Variants in WAC observed in about 807,000 individuals in gnomAD.
WAC encodes the protein WW domain containing adaptor with coiled-coil.
In WAC, 11 loss-of-function variants were observed where a neutral mutation model predicts 79.6. The observed-to-expected ratio is 0.14, with a 90% CI of 0.09 to 0.23. WAC has a LOEUF of 0.23. Among genes scored for constraint, WAC ranks in the 10% least tolerant of loss-of-function variants. WAC has a pLI of 1.00. For missense variants in WAC, 728 were observed against 773.5 expected (o/e 0.94, Z 0.70); for synonymous variants, 304 against 276.9 (o/e 1.10, Z -0.97).
intron 3 of WAC, among the ~76,000 whole-genome samples, chr10:28,539,882 A>G (rs1183716372): frequency 2.0e-5 from 3 of 152,048 alleles, no homozygotes; most frequent in African/African-American, 7.2e-5. Context: ...TTATTTTGTC[A>G]TTTAGCTATA....
chr10:28,551,545 G>C (rs1328688649), intron 3 of WAC, among the ~76,000 whole-genome samples: 1 of 152,032 alleles, frequency 6.6e-6, no homozygotes, highest in African/African-American at 2.4e-5. Context: ...GATCAGTCTT[G>C]GTTTCTCTTC....
chr10:28,558,342 A>G (rs1838111921), intron 3 of WAC, among the ~76,000 whole-genome samples: 3 of 152,282 alleles, frequency 2.0e-5, no homozygotes, highest in African/African-American at 4.8e-5. Flanking sequence ...TTTGAGGGGA[A>G]AGCTAATATA....
Position 28,617,694 on chromosome 10 carries a change from C to G in WAC, c.1784C>G (p.Thr595Ser). ...CGCGAAGAAGCGCATAACATGGGAA[C>G]TATTCACATGTCCGAAATTTGTACT... ...RLREEAHNMG[T>S]IHMSEICTEL... Residue 595 changes from threonine to serine, a missense_variant, in exon 13 of 14, where the codon ACT becomes AGT. Thr to Ser is a moderately conservative substitution (Grantham distance 58). This residue lies in a region of WAC where 66 missense variants were observed against 78.9 expected (regional missense o/e 0.84). Transcript: ENST00000354911. 1 of 1,595,802 alleles carries G rather than the reference C, an allele frequency of 6.3e-7. No individual in the cohort carries two copies. The highest frequency in any genetic ancestry group is 8.5e-7 in the Non-Finnish European group (1 of 1,174,650).
intron 3 of WAC, among the ~76,000 whole-genome samples, chr10:28,541,413 G>GTTTTTTT (rs1435952488): frequency 7.9e-5 from 4 of 50,738 alleles, no homozygotes; most frequent in Non-Finnish European, 1.3e-4. Flanking sequence ...GTGTGTGTGT[G>GTTTTTTT]TGTTTTGTTT....
intron 6 of WAC, among the ~76,000 whole-genome samples, chr10:28,593,596 C>T (rs566791367): frequency 5.3e-5 from 8 of 151,812 alleles, no homozygotes; most frequent in Admixed American, 2.0e-4. Flanking sequence ...GGTGAAACCC[C>T]GTCTCTACTA....
Position 28,554,323 on chromosome 10 carries a change from T to G in WAC, c.274+18566T>G, listed in dbSNP as rs186713208. On this transcript the variant is annotated intron_variant, in intron 3 of 13. Coordinates refer to ENST00000354911, the MANE Select transcript of WAC (RefSeq NM_016628.5). Reference sequence around the variant, plus strand: ...ATACTGAGACATGACTGTACCTAAATGTGATGATTTATTTTTTGTGAAAAT... The same window carrying G: ...ATACTGAGACATGACTGTACCTAAAGGTGATGATTTATTTTTTGTGAAAAT... Among the ~76,000 whole-genome samples the G allele has an allele frequency of 9.2e-5, 14 of 152,328 alleles. No homozygotes were observed. The East Asian group carries it at 2.7e-3, about 29-fold the overall frequency.
chr10:28,544,705 T>C (rs1758585130), intron 3 of WAC, among the ~76,000 whole-genome samples: 1 of 152,142 alleles, frequency 6.6e-6, no homozygotes, highest in African/African-American at 2.4e-5. Context: ...CATTCTAACT[T>C]GGAACTTGCC....
chr10:28,552,354 C>T (rs1480278107), intron 3 of WAC, among the ~76,000 whole-genome samples: 1 of 152,066 alleles, frequency 6.6e-6, no homozygotes, highest in Non-Finnish European at 1.5e-5. Flanking sequence ...GCCTGTTGGT[C>T]AGAGTGGTAG....
intron 3 of WAC, among the ~76,000 whole-genome samples, chr10:28,545,361 TC>T (rs1184070032): frequency 2.0e-5 from 3 of 152,102 alleles, no homozygotes; most frequent in Non-Finnish European, 4.4e-5. Flanking sequence ...ATACCTGTAA[TC>T]CCAGCTACTT....
chr10:28,593,138 T>G (rs1240598772), intron 6 of WAC, among the ~76,000 whole-genome samples: 1 of 152,232 alleles, frequency 6.6e-6, no homozygotes, highest in Non-Finnish European at 1.5e-5. Context: ...TCACACTTTT[T>G]TTTTAGTTTA....
At position 28,621,221 on chromosome 10, in the gene WAC, T is replaced by A. The variant is rs1841681170; in HGVS notation, c.*1615T>A. The A allele has an allele frequency of 6.7e-6, 1 of 148,808 alleles. No homozygotes were observed. The highest frequency in any genetic ancestry group is 2.5e-5 in the African/African-American group (1 of 40,648). 9.2% of individuals were successfully genotyped at this position (148,808 alleles called of 1,614,324 possible). On this transcript the variant is annotated 3_prime_UTR_variant, in exon 14 of 14. Coordinates refer to ENST00000354911, the MANE Select transcript of WAC (RefSeq NM_016628.5). ...GGTTTAGGGTTTTTTGGTGATTTTTTTTTTTTTTTTTTTTCTGTTGGGGCA... is the reference window on the plus strand; with the variant it reads ...GGTTTAGGGTTTTTTGGTGATTTTTATTTTTTTTTTTTTTCTGTTGGGGCA...
intron 7 of WAC, among the ~76,000 whole-genome samples, chr10:28,598,522 A>G (rs915453780): frequency 6.6e-6 from 1 of 152,116 alleles, no homozygotes; most frequent in African/African-American, 2.4e-5. Context: ...TACTTTGTTC[A>G]CCTTCTAACC....
chr10:28,573,596 A>G lies in WAC; in HGVS notation c.275-9803A>G, dbSNP rs148414756. On this transcript the variant is annotated intron_variant, in intron 3 of 13. Coordinates refer to ENST00000354911, the MANE Select transcript of WAC (RefSeq NM_016628.5). ...ACAGTCGTGCACCACTTTCTATTCAAAGCATCCCATGGGATTAGGTGTTGA... is the reference window on the plus strand; with the variant it reads ...ACAGTCGTGCACCACTTTCTATTCAGAGCATCCCATGGGATTAGGTGTTGA... Among the ~76,000 whole-genome samples, 151 of 152,280 alleles carry G rather than the reference A, an allele frequency of 9.9e-4. 1 individual carries two copies. Among genetic ancestry groups the G allele is most frequent in the Non-Finnish European group, 1.3e-4 (9 of 68,016 alleles).
chr10:28,604,173 T>C (rs1840810677), intron 7 of WAC, among the ~76,000 whole-genome samples: 1 of 151,238 alleles, frequency 6.6e-6, no homozygotes, highest in Non-Finnish European at 1.5e-5. Context: ...AATGAGCTAT[T>C]CATCGTTTTC....
intron 7 of WAC, 56 bp from the exon 8 acceptor site, chr10:28,608,130 T>G: frequency 6.3e-7 from 1 of 1,599,504 alleles, no homozygotes; most frequent in Non-Finnish European, 8.5e-7. Context: ...CCTTTGATGT[T>G]TGTTCCAATT....
At chr10:28,586,696 A>C (rs1230872923) in intron 4 of WAC, among the ~76,000 whole-genome samples, 1 of 152,058 alleles carries the variant, frequency 6.6e-6, no homozygotes, top group Non-Finnish European at 1.5e-5. Context: ...CAAAAATAAT[A>C]ATAATAAAAG....
At chr10:28,595,062 T>G (rs908943921) in intron 6 of WAC, among the ~76,000 whole-genome samples, 1 of 152,228 alleles carries the variant, frequency 6.6e-6, no homozygotes, top group African/African-American at 2.4e-5. Flanking sequence ...CTGCGGGTGT[T>G]GGACTTCTAT....
At position 28,590,754 on chromosome 10, in the gene WAC, G is replaced by A. The variant is rs1347073590; in HGVS notation, c.532G>A (p.Val178Ile). ...QRQKEANKMA[V>I]NSFPKDRDYR... Reference sequence around the variant, plus strand: ...ACAAAAAGAAGCAAACAAGATGGCAGTCAACAGCTTCCCAAAAGATAGGGA... The same window carrying A: ...ACAAAAAGAAGCAAACAAGATGGCAATCAACAGCTTCCCAAAAGATAGGGA... Residue 178 changes from valine to isoleucine, a missense_variant, in exon 6 of 14, where the codon GTC becomes ATC. By Grantham distance (29) the Val-to-Ile change is conservative. This residue lies in a region of WAC where 648 missense variants were observed against 661.5 expected (regional missense o/e 0.98). Coordinates refer to ENST00000354911, the MANE Select transcript of WAC (RefSeq NM_016628.5). 3 of 1,610,960 alleles carry A rather than the reference G, an allele frequency of 1.9e-6. No homozygotes were observed. The highest frequency in any genetic ancestry group is 2.5e-6 in the Non-Finnish European group (3 of 1,179,034).
intron 3 of WAC, among the ~76,000 whole-genome samples, chr10:28,572,923 C>CT (rs1839052635): frequency 6.6e-6 from 1 of 152,132 alleles, no homozygotes; most frequent in Non-Finnish European, 1.5e-5. Context: ...TCATTTTAGA[C>CT]TTTGTTGTGA....
Sources: allele counts gnomAD v4.1 joint callset (sites outside exome capture counted in the v4.1 genomes callset), GRCh38; gene constraint gnomAD v4.1.1; regional missense constraint gnomAD v4.1.1; transcripts MANE v1.5; gene names NCBI Gene and HGNC (gene_info 2026-07-23, HGNC 2026-07-21).